The following EDIL3 variants were observed in gnomAD, a reference collection of about 807,000 sequenced individuals.
The protein encoded by EDIL3 is EGF like and discoidin domains 3.
In EDIL3, 37 loss-of-function variants were observed where a neutral mutation model predicts 67.4. The ratio of observed to expected loss-of-function variants is 0.55; its 90% CI spans 0.42 to 0.72. The LOEUF (loss-of-function observed/expected upper bound fraction) is 0.72. Ranked by LOEUF, EDIL3 falls within the 30% of genes least tolerant of loss-of-function variation. The probability of loss-of-function intolerance (pLI) is 0.00; values close to 1 mark genes in which losing one functional copy is unlikely to be tolerated. For missense variants in EDIL3, 527 were observed against 586.3 expected, an observed-to-expected ratio of 0.90 and a Z score of 1.04; for synonymous variants, 195 against 196.3, an observed-to-expected ratio of 0.99 and a Z score of 0.05.
intron 2 of EDIL3, among the ~76,000 whole-genome samples, chr5:84,244,242 C>G (rs1221385122): frequency 6.6e-6 from 1 of 152,070 alleles, no homozygotes; most frequent in East Asian, 1.9e-4. Flanking sequence ...GTAAAATTTT[C>G]AAGAAATTAA....
intron 1 of EDIL3, among the ~76,000 whole-genome samples, chr5:84,337,575 C>T (rs1638564199): frequency 6.6e-6 from 1 of 152,016 alleles, no homozygotes; most frequent in Non-Finnish European, 1.5e-5. Context: ...GAGCATGGCT[C>T]TAGAGCACAT....
intron 1 of EDIL3, among the ~76,000 whole-genome samples, chr5:84,261,004 C>A (rs1403596251): frequency 6.6e-6 from 1 of 152,168 alleles, no homozygotes; most frequent in Non-Finnish European, 1.5e-5. Flanking sequence ...TGTGACAATG[C>A]AGCTCTGTGC....
chr5:84,132,304 A>ACT (rs1747983811), intron 5 of EDIL3, among the ~76,000 whole-genome samples: 1 of 102,312 alleles, frequency 9.8e-6, no homozygotes, highest in African/African-American at 4.0e-5. Context: ...TTTTATATAT[A>ACT]ATATATATTA....
intron 9 of EDIL3, among the ~76,000 whole-genome samples, chr5:84,015,109 T>G (rs1161539635): frequency 6.6e-6 from 1 of 152,158 alleles, no homozygotes; most frequent in African/African-American, 2.4e-5. Context: ...GTAATTTAAG[T>G]ATGTGGTCCA....
intron 3 of EDIL3, among the ~76,000 whole-genome samples, chr5:84,224,468 T>C (rs1349243129): frequency 6.6e-6 from 1 of 151,470 alleles, no homozygotes; most frequent in Non-Finnish European, 1.5e-5. Flanking sequence ...CCAAGGGACA[T>C]AGAAATAAGT....
At chr5:84,365,395 T>C (rs929788158) in intron 1 of EDIL3, among the ~76,000 whole-genome samples, 3 of 152,132 alleles carry the variant, frequency 2.0e-5, no homozygotes, top group African/African-American at 7.2e-5. Flanking sequence ...ATCTTCCTTT[T>C]ATACCATATT....
intron 3 of EDIL3, among the ~76,000 whole-genome samples, chr5:84,190,372 T>G (rs1485116128): frequency 1.3e-5 from 2 of 151,838 alleles, no homozygotes; most frequent in African/African-American, 4.8e-5. Flanking sequence ...TCACAAGCCA[T>G]TCATTACACA....
intron 3 of EDIL3, among the ~76,000 whole-genome samples, chr5:84,217,316 T>C (rs1432902684): frequency 1.3e-5 from 2 of 152,194 alleles, no homozygotes; most frequent in Non-Finnish European, 2.9e-5. Context: ...AAATAGGTTC[T>C]TTGGTAAATA....
In EDIL3 at chr5:84,156,937, G is replaced by T. The variant is rs182205358; in HGVS notation, c.356-19583C>A. On this transcript the variant is annotated intron_variant, in intron 4 of 10. Transcript: ENST00000296591. Reference sequence around the variant, plus strand: ...CACTAGACCAGAGTACTATCAGCACGTCATAGACACCGAAAGAGAAAAAGA... The same window carrying T: ...CACTAGACCAGAGTACTATCAGCACTTCATAGACACCGAAAGAGAAAAAGA... Among the ~76,000 whole-genome samples, 447 of 152,092 alleles carry T rather than the reference G, an allele frequency of 2.9e-3. 4 individuals are homozygous for T. Among genetic ancestry groups the T allele is most frequent in the Non-Finnish European group, 5.3e-3 (360 of 67,978 alleles).
chr5:83,963,416 A>G, intron 9 of EDIL3, 56 bp from the exon 10 acceptor site: 1 of 1,524,520 alleles, frequency 6.6e-7, no homozygotes, highest in South Asian at 1.3e-5. Context: ...GTAAACTTCC[A>G]AGTCTTTTGA....
At chr5:84,228,778 A>G in intron 3 of EDIL3, among the ~76,000 whole-genome samples, 1 of 152,180 alleles carries the variant, frequency 6.6e-6, no homozygotes, top group Admixed American at 6.6e-5. Context: ...ATCCTTGTCC[A>G]GTTTTGCACA....
intron 9 of EDIL3, among the ~76,000 whole-genome samples, chr5:83,984,976 CA>C (rs772095926): frequency 2.9e-4 from 42 of 145,122 alleles, no homozygotes; most frequent in Non-Finnish European, 4.6e-4. Context: ...CACACACACA[CA>C]CCCCATAAAC....
At chr5:84,054,488 G>T (rs868561716) in intron 9 of EDIL3, among the ~76,000 whole-genome samples, 1 of 152,218 alleles carries the variant, frequency 6.6e-6, no homozygotes, top group Middle Eastern at 3.4e-3. Flanking sequence ...GAAATAAAGG[G>T]TATTCAATTA....
At chr5:84,331,634 T>C (rs1746873859) in intron 1 of EDIL3, among the ~76,000 whole-genome samples, 2 of 152,168 alleles carry the variant, frequency 1.3e-5, no homozygotes, top group Admixed American at 6.5e-5. Context: ...CCTCTTTCCT[T>C]TATAAATTAC....
chr5:84,215,108 T>C (rs1744201381), intron 3 of EDIL3, among the ~76,000 whole-genome samples: 1 of 152,164 alleles, frequency 6.6e-6, no homozygotes. Context: ...ATACAACAAA[T>C]ATTTATGAAG....
intron 6 of EDIL3, among the ~76,000 whole-genome samples, chr5:84,080,781 C>T (rs1746952193): frequency 6.6e-6 from 1 of 152,034 alleles, no homozygotes; most frequent in Non-Finnish European, 1.5e-5. Context: ...AAAGAAGTAT[C>T]AATTATAAAT....
At chr5:84,369,183 T>C (rs866282277) in intron 1 of EDIL3, among the ~76,000 whole-genome samples, 4 of 151,482 alleles carry the variant, frequency 2.6e-5, no homozygotes, top group African/African-American at 9.7e-5. Flanking sequence ...AGCAGCATTA[T>C]TCACAATAGC....
chr5:84,099,006 T>C (rs563104277), intron 6 of EDIL3, among the ~76,000 whole-genome samples: 7 of 152,104 alleles, frequency 4.6e-5, no homozygotes, highest in South Asian at 4.1e-4. Flanking sequence ...TTGTCTATTA[T>C]TGGTGTATAG....
chr5:84,303,847 T>TGA, intron 1 of EDIL3, among the ~76,000 whole-genome samples: 1 of 146,698 alleles, frequency 6.8e-6, no homozygotes, highest in East Asian at 2.0e-4. Flanking sequence ...TGTGTGTGTG[T>TGA]GTTTGTGTGT....
Sources: allele counts gnomAD v4.1 joint callset (sites outside exome capture counted in the v4.1 genomes callset), GRCh38; gene constraint gnomAD v4.1.1; transcripts MANE v1.5; gene names NCBI Gene and HGNC (gene_info 2026-07-23, HGNC 2026-07-21).